LRBA: variants seen among roughly 807,000 people sequenced by gnomAD.
The protein encoded by LRBA is lipopolysaccharide-responsive and beige-like anchor protein.
LRBA carries 176 observed loss-of-function variants against 330.0 expected under a neutral mutation model. The observed-to-expected ratio is 0.53, with a 90% confidence interval of 0.47 to 0.60. The LOEUF is 0.60. LRBA is among the 20% of genes least tolerant of loss of function. The pLI, the probability that LRBA is intolerant of heterozygous loss-of-function variation, is 0.00. For synonymous variants in LRBA, 1,230 were observed against 1,193.0 expected (o/e 1.03, Z -0.64); for missense variants, 3,259 against 3,444.8 (o/e 0.95, Z 1.35).
At chr4:150,778,470 T>C (rs1578753478) in intron 34 of LRBA, among the ~76,000 whole-genome samples, 2 of 152,312 alleles carry the variant, frequency 1.3e-5, no homozygotes, top group East Asian at 3.9e-4. Context: ...AAAATCCTCT[T>C]GCTTTTATGT....
chr4:150,399,762 AAGAGCT>A (rs1342003789), intron 47 of LRBA, among the ~76,000 whole-genome samples: 5 of 152,146 alleles, frequency 3.3e-5, no homozygotes, highest in Non-Finnish European at 7.3e-5. Flanking sequence ...ACTTGAGGTC[AAGAGCT>A]GGAGATGTGC....
chr4:150,978,216 T>C (rs770613167), intron 2 of LRBA, among the ~76,000 whole-genome samples: 13 of 152,240 alleles, frequency 8.5e-5, no homozygotes, highest in Admixed American at 2.6e-4. Context: ...TACCATTTGT[T>C]TGGGACAAAG....
At position 150,806,068 on chromosome 4, in the gene LRBA, G is replaced by A. The variant is rs17027116; in HGVS notation, c.5518+203C>T. ...TCTTTGGTTCAACACATAATTCTACGCTCCATCCAAATCACTGATAAAAAT... is the reference window on the plus strand; with the variant it reads ...TCTTTGGTTCAACACATAATTCTACACTCCATCCAAATCACTGATAAAAAT... On this transcript the variant is annotated intron_variant, in intron 33 of 56. Coordinates refer to ENST00000651943, the MANE Select transcript of LRBA (RefSeq NM_001364905.1). Among the ~76,000 whole-genome samples the A allele has an allele frequency of 0.09, 13,590 of 150,244 alleles. 1,061 individuals carry two copies. Among genetic ancestry groups the A allele is most frequent in the African/African-American group, 0.2 (8,386 of 41,002 alleles).
In LRBA at chr4:150,871,405, A is replaced by T. The variant is rs753558123; in HGVS notation, c.2307T>A (p.Ala769=). The change falls in exon 19 of 57, where the codon GCT becomes GCA. Residue 769 remains alanine, a synonymous_variant. Coordinates refer to ENST00000651943, the MANE Select transcript of LRBA (RefSeq NM_001364905.1). ...AATTTGTCTGAAGCATGAGCCTTTCAGCTAGCAATGAAAACAATCCATGTC... is the reference window on the plus strand; with the variant it reads ...AATTTGTCTGAAGCATGAGCCTTTCTGCTAGCAATGAAAACAATCCATGTC... ...MLGHGLFSLL[A]ERLMLQTNLI... is the part of the protein sequence containing the mutation. 1 of 1,612,854 alleles carries T rather than the reference A, an allele frequency of 6.2e-7. No individual in the cohort carries two copies. The highest frequency in any genetic ancestry group is 1.1e-5 in the South Asian group (1 of 90,964).
chr4:150,545,782 T>C (rs998069), intron 40 of LRBA, among the ~76,000 whole-genome samples: 21,824 of 152,100 alleles, frequency 0.14, 1,599 homozygotes, highest in Middle Eastern at 0.17. Context: ...GAAAACAATT[T>C]CTTTTAACTC....
chr4:150,274,970 CAAGA>C (rs939296604), intron 56 of LRBA, among the ~76,000 whole-genome samples: 5 of 152,110 alleles, frequency 3.3e-5, no homozygotes, highest in Admixed American at 2.0e-4. Flanking sequence ...GGCAGAGACA[CAAGA>C]AAGAAAGAAA....
At chr4:150,604,224 C>T (rs950390741) in intron 37 of LRBA, among the ~76,000 whole-genome samples, 7 of 151,674 alleles carry the variant, frequency 4.6e-5, no homozygotes, top group African/African-American at 1.5e-4. Flanking sequence ...GCCTGGGCAA[C>T]ATAGCAAGAC....
chr4:150,968,765 T>C (rs149354531), intron 2 of LRBA, among the ~76,000 whole-genome samples: 1 of 152,364 alleles, frequency 6.6e-6, no homozygotes, highest in East Asian at 1.9e-4. Context: ...ATTTTTAATG[T>C]AGACAAAACA....
chr4:150,543,108 A>G (rs1429142409), intron 40 of LRBA, among the ~76,000 whole-genome samples: 1 of 152,190 alleles, frequency 6.6e-6, no homozygotes, highest in Non-Finnish European at 1.5e-5. Context: ...TCTTTTCTAC[A>G]TGTAATTTCA....
chr4:150,882,449 A>T (rs1017676819), intron 17 of LRBA, among the ~76,000 whole-genome samples: 2 of 152,212 alleles, frequency 1.3e-5, no homozygotes, highest in Non-Finnish European at 2.9e-5. Context: ...TCTAATCATA[A>T]AACAATAAAT....
chr4:150,526,164 T>C (rs955068397), intron 40 of LRBA, among the ~76,000 whole-genome samples: 1 of 152,150 alleles, frequency 6.6e-6, no homozygotes, highest in African/African-American at 2.4e-5. Context: ...AGACACAGAG[T>C]ACATTCCTTT....
chr4:150,427,478 G>T (rs1048043227), intron 46 of LRBA, among the ~76,000 whole-genome samples: 8 of 151,798 alleles, frequency 5.3e-5, no homozygotes, highest in African/African-American at 1.9e-4. Flanking sequence ...TTAACAAATC[G>T]CAAGTTATCT....
chr4:150,636,445 T>C (rs1424033075), intron 37 of LRBA, among the ~76,000 whole-genome samples: 2 of 152,206 alleles, frequency 1.3e-5, no homozygotes, highest in African/African-American at 4.8e-5. Flanking sequence ...TCCATCATTC[T>C]TTGAGCACTT....
chr4:150,337,611 C>A (rs888978514), intron 48 of LRBA, among the ~76,000 whole-genome samples: 1 of 152,196 alleles, frequency 6.6e-6, no homozygotes, highest in Non-Finnish European at 1.5e-5. Flanking sequence ...AGTTCCTGCC[C>A]TGCACTGTGT....
rs1750517783 is a variant in LRBA, at chr4:150,850,751, A to G, written c.3977T>C (p.Ile1326Thr). The G allele has an allele frequency of 6.2e-7, 1 of 1,612,768 alleles. No individual in the cohort carries two copies. The highest frequency in any genetic ancestry group is 1.7e-5 in the Admixed American group (1 of 59,916). ...QRLLTDLLFS[I>T]ETDIQMWRSH... ...TCTCCACATCTGTATATCTGTTTCT[A>G]TTGAAAATAATAGATCAGTGAGCAA... Residue 1326 changes from isoleucine (I) to threonine (T), a missense_variant, in exon 24 of 57, where the codon ATA (isoleucine) becomes ACA (threonine). By Grantham distance (89) the Ile-to-Thr change is moderately conservative (BLOSUM62 -1). Coordinates refer to ENST00000651943, the MANE Select transcript of LRBA (RefSeq NM_001364905.1).
At chr4:150,871,889 T>C (rs1032394523) in intron 18 of LRBA, among the ~76,000 whole-genome samples, 4 of 152,178 alleles carry the variant, frequency 2.6e-5, no homozygotes, top group African/African-American at 9.7e-5. Context: ...ATAAATACTA[T>C]GAAAACATAT....
chr4:150,323,589 A>G (rs1732844263), intron 49 of LRBA, among the ~76,000 whole-genome samples: 1 of 152,238 alleles, frequency 6.6e-6, no homozygotes, highest in Admixed American at 6.5e-5. Flanking sequence ...TGCAGACACC[A>G]TGTCCAGAAA....
intron 45 of LRBA, 139 bp downstream of exon 45, chr4:150,436,585 A>G: frequency 4.7e-6 from 3 of 638,784 alleles, no homozygotes; most frequent in South Asian, 5.8e-5. Context: ...TGAGATAGAG[A>G]TATTTATAAT....
intron 37 of LRBA, among the ~76,000 whole-genome samples, chr4:150,604,355 GATGATGGCA>G (rs1238095903): frequency 6.6e-6 from 1 of 150,886 alleles, no homozygotes; most frequent in Non-Finnish European, 1.5e-5. Flanking sequence ...TGTGAGCTCT[GATGATGGCA>G]ATGAACTCTA....
Sources: gnomAD v4.1 joint callset for allele counts (sites outside exome capture counted in the v4.1 genomes callset) on GRCh38, gnomAD v4.1.1 for gene constraint, MANE v1.5 for transcripts, NCBI Gene and HGNC (gene_info 2026-07-23, HGNC 2026-07-21) for gene names.